Variants in RELN observed in about 807,000 individuals in gnomAD.
RELN encodes reelin.
Under a neutral mutation model 427.6 loss-of-function variants are expected in RELN, and 108 were observed. The ratio of observed to expected loss-of-function variants is 0.25; its 90% CI spans 0.22 to 0.30. RELN has a LOEUF of 0.30. Ranked by LOEUF, RELN falls within the 10% of genes least tolerant of loss-of-function variation. RELN has a pLI of 1.00. For missense variants in RELN, 3,715 were observed against 4,302.8 expected (o/e 0.86, Z 3.82); for synonymous variants, 1,524 against 1,513.4 (o/e 1.01, Z -0.16).
chr7:103,728,210 G>A lies in RELN; in HGVS notation c.657-3C>T. On this transcript the variant is annotated splice_polypyrimidine_tract_variant and splice_region_variant and intron_variant, in intron 6 of 64. Transcript: ENST00000428762. Reference sequence around the variant, plus strand: ...TCTCACAGTTGTTACATTCAACCCTGCAGGAAAACAGAACACAGTCCCCGT... The same window carrying A: ...TCTCACAGTTGTTACATTCAACCCTACAGGAAAACAGAACACAGTCCCCGT... The A allele has an allele frequency of 1.9e-6, 3 of 1,613,568 alleles. No individual in the cohort carries two copies. Among genetic ancestry groups the A allele is most frequent in the Non-Finnish European group, 2.5e-6 (3 of 1,179,730 alleles).
chr7:103,476,499 C>T (rs566927378), intron 64 of RELN, among the ~76,000 whole-genome samples: 1 of 151,990 alleles, frequency 6.6e-6, no homozygotes, highest in African/African-American at 2.4e-5. Context: ...AACAAACAAA[C>T]AAACAAAAAA....
At chr7:103,914,422 T>C (rs774851721) in intron 2 of RELN, among the ~76,000 whole-genome samples, 13 of 152,226 alleles carry the variant, frequency 8.5e-5, no homozygotes, top group Non-Finnish European at 1.3e-4. Context: ...TCTCAACCTA[T>C]ATATCCCAGA....
chr7:103,906,122 G>A (rs966975451), intron 2 of RELN, among the ~76,000 whole-genome samples: 29 of 152,012 alleles, frequency 1.9e-4, no homozygotes, highest in Admixed American at 9.2e-4. Flanking sequence ...CTGAGAAGAG[G>A]TGTGGGAAAG....
chr7:103,796,909 GAA>G (rs150625784), intron 3 of RELN, among the ~76,000 whole-genome samples: 2,623 of 125,238 alleles, frequency 0.021, 37 homozygotes, highest in African/African-American at 0.041. Flanking sequence ...GAAAGAAAAA[GAA>G]AAAGAAAAAG....
intron 1 of RELN, among the ~76,000 whole-genome samples, chr7:103,956,914 T>A (rs561982351): frequency 6.6e-6 from 1 of 152,136 alleles, no homozygotes; most frequent in South Asian, 2.1e-4. Flanking sequence ...AGGGGATGAA[T>A]GGATATTTTT....
intron 6 of RELN, among the ~76,000 whole-genome samples, chr7:103,736,690 C>T (rs1236933656): frequency 6.6e-6 from 1 of 152,196 alleles, no homozygotes; most frequent in African/African-American, 2.4e-5. Flanking sequence ...GTAAATTCCA[C>T]TACATGCTGC....
intron 1 of RELN, among the ~76,000 whole-genome samples, chr7:103,939,946 G>A (rs1796074056): frequency 6.6e-6 from 1 of 152,184 alleles, no homozygotes; most frequent in Non-Finnish European, 1.5e-5. Flanking sequence ...TGTTCTGCTT[G>A]TTGAACTGGA....
At chr7:103,725,000 C>T (rs1464163162) in intron 7 of RELN, among the ~76,000 whole-genome samples, 1 of 151,902 alleles carries the variant, frequency 6.6e-6, no homozygotes, top group Admixed American at 6.6e-5. Flanking sequence ...AAAAGGGGCC[C>T]TTAAAGAGCT....
chr7:103,646,066 A>G (rs1832790137), intron 16 of RELN, among the ~76,000 whole-genome samples: 1 of 151,828 alleles, frequency 6.6e-6, no homozygotes, highest in Non-Finnish European at 1.5e-5. Flanking sequence ...ACAGAAATTA[A>G]AAAAAATTTT....
At chr7:103,540,110 G>C (rs1024526348) in intron 44 of RELN, 87 bp downstream of exon 44, 12 of 1,477,736 alleles carry the variant, frequency 8.1e-6, no homozygotes, top group Non-Finnish European at 1.1e-5. Flanking sequence ...TTCATCTACT[G>C]AGCAAGCAGG....
chr7:103,769,319 G>A (rs1292265317), intron 4 of RELN, among the ~76,000 whole-genome samples: 1 of 152,148 alleles, frequency 6.6e-6, no homozygotes. Flanking sequence ...TATTAAGGAG[G>A]TTTCACACTC....
At chr7:103,651,219 C>A (rs1832907126) in intron 15 of RELN, among the ~76,000 whole-genome samples, 1 of 151,980 alleles carries the variant, frequency 6.6e-6, no homozygotes, top group African/African-American at 2.4e-5. Flanking sequence ...ATCTTTAATT[C>A]TCCTAATAGC....
intron 9 of RELN, among the ~76,000 whole-genome samples, chr7:103,700,659 T>C (rs1290847375): frequency 6.6e-6 from 1 of 152,174 alleles, no homozygotes; most frequent in African/African-American, 2.4e-5. Flanking sequence ...GATTGCAAAT[T>C]TACTTTTACC....
chr7:103,726,865 T>A (rs777166527), intron 7 of RELN, among the ~76,000 whole-genome samples: 7 of 152,200 alleles, frequency 4.6e-5, no homozygotes, highest in Middle Eastern at 3.2e-3. Flanking sequence ...ACCAGAGTCA[T>A]ACTTGTCTGC....
intron 1 of RELN, among the ~76,000 whole-genome samples, chr7:103,931,780 A>G (rs1045151320): frequency 9.2e-5 from 14 of 152,106 alleles, no homozygotes; most frequent in Admixed American, 6.6e-5. Context: ...AAAAGTCTCC[A>G]ATATGCTTCC....
chr7:103,759,864 A>G (rs1488055210), intron 4 of RELN, among the ~76,000 whole-genome samples: 1 of 152,090 alleles, frequency 6.6e-6, no homozygotes, highest in Non-Finnish European at 1.5e-5. Context: ...TTTCTCTTGC[A>G]TTAGCACCAG....
chr7:103,553,869 T>C (rs767568836), intron 38 of RELN, 38 bp from the exon 39 acceptor site: 1 of 1,569,588 alleles, frequency 6.4e-7, no homozygotes, highest in Non-Finnish European at 8.8e-7. Context: ...TTTCCAGTGA[T>C]GAAAATCAAA....
At chr7:103,632,590 C>A (rs34196791) in intron 19 of RELN, among the ~76,000 whole-genome samples, 3 of 152,080 alleles carry the variant, frequency 2.0e-5, no homozygotes, top group Non-Finnish European at 4.4e-5. Flanking sequence ...CCACTCTTTG[C>A]AAGTTATAGT....
intron 20 of RELN, among the ~76,000 whole-genome samples, chr7:103,629,121 A>G (rs1225748974): frequency 1.3e-5 from 2 of 152,130 alleles, no homozygotes; most frequent in Admixed American, 6.5e-5. Context: ...CTTTCCAATC[A>G]GTAGAATGTG....
Sources: allele counts gnomAD v4.1 joint callset (sites outside exome capture counted in the v4.1 genomes callset), GRCh38; gene constraint gnomAD v4.1.1; transcripts MANE v1.5; gene names NCBI Gene and HGNC (gene_info 2026-07-23, HGNC 2026-07-21).